The following EPHA5 variants were observed in gnomAD, a reference collection of about 807,000 sequenced individuals.
EPHA5 encodes ephrin type-A receptor 5.
Under a neutral mutation model 105.0 loss-of-function variants are expected in EPHA5, and 60 were observed. The observed-to-expected ratio is 0.57, with a 90% confidence interval of 0.46 to 0.71. The LOEUF is 0.71. Ranked by LOEUF, EPHA5 falls within the 30% of genes least tolerant of loss-of-function variation. The pLI is 0.00. For missense variants in EPHA5, 1,218 were observed against 1,274.7 expected (o/e 0.96, Z 0.68); for synonymous variants, 513 against 449.1 (o/e 1.14, Z -1.80).
chr4:65,547,016 T>C (rs890011623), intron 3 of EPHA5, among the ~76,000 whole-genome samples: 2 of 152,044 alleles, frequency 1.3e-5, no homozygotes, highest in Non-Finnish European at 2.9e-5. Context: ...AATTCTGTGA[T>C]GGAAGTGTCA....
intron 5 of EPHA5, among the ~76,000 whole-genome samples, chr4:65,455,563 T>C (rs1727498572): frequency 1.3e-5 from 2 of 152,184 alleles, no homozygotes; most frequent in African/African-American, 4.8e-5. Context: ...GGAAGCAATA[T>C]CAATGCATTC....
intron 3 of EPHA5, among the ~76,000 whole-genome samples, chr4:65,542,674 C>T (rs915840995): frequency 2.0e-5 from 3 of 151,778 alleles, no homozygotes; most frequent in Non-Finnish European, 4.4e-5. Context: ...CCTTCAAAAA[C>T]TATTGCAAAC....
chr4:65,572,649 G>A (rs1740311577), intron 3 of EPHA5, among the ~76,000 whole-genome samples: 1 of 152,154 alleles, frequency 6.6e-6, no homozygotes, highest in South Asian at 2.1e-4. Flanking sequence ...TTATATGTAC[G>A]GAATATGACA....
intron 3 of EPHA5, among the ~76,000 whole-genome samples, chr4:65,599,950 C>T (rs1464219436): frequency 1.3e-5 from 2 of 152,050 alleles, no homozygotes; most frequent in African/African-American, 2.4e-5. Context: ...TGGAGAGAGG[C>T]CTCTTATACT....
intron 8 of EPHA5, among the ~76,000 whole-genome samples, chr4:65,375,188 A>T (rs1432957366): frequency 6.6e-6 from 1 of 151,852 alleles, no homozygotes; most frequent in Non-Finnish European, 1.5e-5. Flanking sequence ...TTTTACCAAG[A>T]ATATATTTTT....
chr4:65,411,248 G>A (rs986543447), intron 7 of EPHA5, among the ~76,000 whole-genome samples: 8 of 151,790 alleles, frequency 5.3e-5, no homozygotes, highest in African/African-American at 1.2e-4. Flanking sequence ...AAAGTTTTGC[G>A]TTTCCTGTTG....
rs2148775170 is a variant in EPHA5 at position 65,323,812 on chromosome 4, A to G, written c.*302T>C. 7.9e-6 allele frequency: 2 copies of G among 254,232 alleles called. No individual in the cohort carries two copies. Among genetic ancestry groups the G allele is most frequent in the Non-Finnish European group, 1.5e-5 (2 of 131,348 alleles). 15.7% of individuals were successfully genotyped at this position (254,232 alleles called of 1,614,324 possible). A position where few individuals can be genotyped will look rare whatever the true frequency, so the allele number is the denominator to read the frequency against. On this transcript the variant is annotated 3_prime_UTR_variant, in exon 17 of 17. Coordinates refer to ENST00000613740, the MANE Select transcript of EPHA5 (RefSeq NM_001281766.3). ...CTATAAAAGTGCTATATAATTATAT[A>G]TTTCATGTACAAAATTTTGTAGAAG...
chr4:65,539,184 G>T (rs1429571553), intron 3 of EPHA5, among the ~76,000 whole-genome samples: 1 of 151,598 alleles, frequency 6.6e-6, no homozygotes, highest in Admixed American at 6.6e-5. Flanking sequence ...AAAACAAACT[G>T]ACTGCCTTGG....
At chr4:65,520,021 A>T (rs1456169457) in intron 3 of EPHA5, among the ~76,000 whole-genome samples, 1 of 152,210 alleles carries the variant, frequency 6.6e-6, no homozygotes, top group Non-Finnish European at 1.5e-5. Context: ...GAATTGGAAA[A>T]AACTACTTTA....
rs1210143929 is a variant in EPHA5 at position 65,496,618 on chromosome 4, C to G, written c.911-1075G>C. ...TGTATATGTGCCACATTTTCTTAAT[C>G]CAGTCTATCATTGTTGGACATTTGG... On this transcript the variant is annotated intron_variant, in intron 3 of 16. Coordinates refer to ENST00000613740, the MANE Select transcript of EPHA5 (RefSeq NM_001281766.3). Among the ~76,000 whole-genome samples the G allele has an allele frequency of 3.3e-5, 5 of 151,288 alleles. 1 individual carries two copies. The highest frequency in any genetic ancestry group is 4.2e-4 in the South Asian group (2 of 4,782).
At chr4:65,628,140 G>A (rs548065269) in intron 2 of EPHA5, among the ~76,000 whole-genome samples, 64 of 152,082 alleles carry the variant, frequency 4.2e-4, no homozygotes, top group Admixed American at 1.3e-4. Context: ...ACACACTGAC[G>A]ATACTTGGCT....
intron 13 of EPHA5, among the ~76,000 whole-genome samples, chr4:65,349,349 ACTTTCT>A (rs1160950902): frequency 1.3e-5 from 2 of 151,130 alleles, no homozygotes; most frequent in African/African-American, 4.9e-5. Context: ...TGATTTGGAG[ACTTTCT>A]CTTAGTTCAT....
At position 65,574,446 on chromosome 4, in the gene EPHA5, C is replaced by G. The variant is rs1275999419; in HGVS notation, c.910+27195G>C. ...TACATGTATTCATACTCTTGAGGCTCTACATTAAGAAAATAATTATAAATG... is the reference window on the plus strand; with the variant it reads ...TACATGTATTCATACTCTTGAGGCTGTACATTAAGAAAATAATTATAAATG... On this transcript the variant is annotated intron_variant, in intron 3 of 16. Transcript: ENST00000613740. 2.7e-5 allele frequency: 10 copies of G among 371,870 alleles called. No homozygotes were observed. In the East Asian group the frequency reaches 4.5e-4, roughly 17 times the overall value. 23.0% of individuals were successfully genotyped at this position (371,870 alleles called of 1,614,324 possible).
In EPHA5 at chr4:65,465,473, AAG is replaced by A. The variant is rs1560566901; in HGVS notation, c.1402+24902_1402+24903del. ...GAAAGAAAGAAAAGAAAGAAAAAGAAAGAAAGAAAGAAAGAAAGAAAGAAAGA... is the reference window on the plus strand; with the variant it reads ...GAAAGAAAGAAAAGAAAGAAAAAGAAAAAGAAAGAAAGAAAGAAAGAAAGA... On this transcript the variant is annotated intron_variant, in intron 5 of 16. Coordinates refer to ENST00000613740, the MANE Select transcript of EPHA5 (RefSeq NM_001281766.3). Among the ~76,000 whole-genome samples, 439 of 94,844 alleles carry A rather than the reference AAG, an allele frequency of 4.6e-3. 7 individuals are homozygous for A. The highest frequency in any genetic ancestry group is 0.017 in the African/African-American group (425 of 24,486). The allele number at this position is 94,844 out of a possible 152,430, so 62.2% of individuals were successfully genotyped here.
chr4:65,618,474 T>A (rs75014159), intron 2 of EPHA5, among the ~76,000 whole-genome samples: 4,900 of 152,272 alleles, frequency 0.032, 255 homozygotes, highest in African/African-American at 0.11. Context: ...AAAATATCAG[T>A]GTCTCTTTAA....
chr4:65,351,645 G>T (rs760592997), intron 12 of EPHA5, 47 bp from the exon 13 acceptor site: 5 of 1,555,430 alleles, frequency 3.2e-6, no homozygotes, highest in Middle Eastern at 3.5e-4. Flanking sequence ...CCAATCACTG[G>T]GGGAAAATAT....
At chr4:65,551,116 T>A (rs927032118) in intron 3 of EPHA5, among the ~76,000 whole-genome samples, 2 of 151,054 alleles carry the variant, frequency 1.3e-5, no homozygotes, top group African/African-American at 4.9e-5. Context: ...ATGAAATATA[T>A]TTACATACAT....
intron 5 of EPHA5, among the ~76,000 whole-genome samples, chr4:65,427,216 G>C (rs986183346): frequency 9.0e-6 from 1 of 111,460 alleles, no homozygotes; most frequent in Non-Finnish European, 1.7e-5. Context: ...ATGGAGTCTT[G>C]CTCTGTCACC....
At chr4:65,604,164 C>T (rs1049782135) in intron 2 of EPHA5, among the ~76,000 whole-genome samples, 5 of 13,940 alleles carry the variant, frequency 3.6e-4, no homozygotes, top group Non-Finnish European at 1.0e-3. Flanking sequence ...GTAGGATCCT[C>T]CTAGCAAGTA....
Sources: allele counts gnomAD v4.1 joint callset (sites outside exome capture counted in the v4.1 genomes callset), GRCh38; gene constraint gnomAD v4.1.1; transcripts MANE v1.5; gene names NCBI Gene and HGNC (gene_info 2026-07-23, HGNC 2026-07-21).